NEK10: variants seen among roughly 807,000 people sequenced by gnomAD.
NEK10 encodes the protein NIMA related kinase 10.
A neutral mutation model predicts 159.8 loss-of-function variants in NEK10; 122 were observed. The observed-to-expected ratio is 0.76, with a 90% CI of 0.66 to 0.89. The LOEUF is 0.89. Ranked by LOEUF, NEK10 falls within the 40% of genes least tolerant of loss-of-function variation. The pLI, the probability that NEK10 is intolerant of heterozygous loss-of-function variation, is 0.00. For missense variants in NEK10, 1,342 were observed against 1,323.1 expected (o/e 1.01, Z -0.22); for synonymous variants, 466 against 457.1 (o/e 1.02, Z -0.25).
chr3:27,246,228 A>ATG (rs1353533145), intron 23 of NEK10, among the ~76,000 whole-genome samples: 4 of 152,062 alleles, frequency 2.6e-5, no homozygotes, highest in Admixed American at 2.6e-4. Flanking sequence ...CTTTTTTATT[A>ATG]TGACTTTTAG....
chr3:27,280,335 A>ATT (rs1413660285), intron 22 of NEK10, among the ~76,000 whole-genome samples: 3 of 152,094 alleles, frequency 2.0e-5, no homozygotes, highest in Non-Finnish European at 4.4e-5. Flanking sequence ...CCAGGGTGCC[A>ATT]TCCAAGGGAG....
At chr3:27,360,905 T>G (rs1340323877) in intron 1 of NEK10, among the ~76,000 whole-genome samples, 3 of 152,228 alleles carry the variant, frequency 2.0e-5, no homozygotes, top group Non-Finnish European at 4.4e-5. Flanking sequence ...GTCAATACTT[T>G]AAGCAATTTT....
intron 1 of NEK10, among the ~76,000 whole-genome samples, chr3:27,355,676 C>G (rs1232621393): frequency 1.3e-5 from 2 of 152,148 alleles, no homozygotes; most frequent in African/African-American, 4.8e-5. Context: ...TGCTTCCACT[C>G]TTGCTCCTCT....
intron 20 of NEK10, among the ~76,000 whole-genome samples, chr3:27,286,319 C>G (rs1168977121): frequency 6.6e-6 from 1 of 151,400 alleles, no homozygotes; most frequent in African/African-American, 2.4e-5. Context: ...ATTTCCTGAC[C>G]TCGTGATCGG....
intron 5 of NEK10, among the ~76,000 whole-genome samples, chr3:27,335,500 C>A (rs941046305): frequency 1.3e-5 from 2 of 152,002 alleles, no homozygotes; most frequent in African/African-American, 4.8e-5. Flanking sequence ...GACATTAGAC[C>A]AAATGAACAT....
At chr3:27,336,481 T>C (rs146447828) in intron 5 of NEK10, among the ~76,000 whole-genome samples, 20 of 152,240 alleles carry the variant, frequency 1.3e-4, no homozygotes, top group African/African-American at 4.6e-4. Context: ...AGGAATTCTC[T>C]CTAACTCATT....
chr3:27,246,686 C>T (rs534726814), intron 23 of NEK10, among the ~76,000 whole-genome samples: 262 of 152,176 alleles, frequency 1.7e-3, no homozygotes, highest in Middle Eastern at 6.8e-3. Context: ...CCCCAATCCC[C>T]CCAACCCCTG....
intron 32 of NEK10, among the ~76,000 whole-genome samples, chr3:27,123,457 A>C (rs1475728485): frequency 1.3e-5 from 2 of 152,318 alleles, no homozygotes; most frequent in African/African-American, 4.8e-5. Context: ...GGGATATGAC[A>C]TGATTCCATG....
chr3:27,355,743 G>A lies in NEK10; in HGVS notation c.-37-2824C>T, dbSNP rs1177163686. ...AATGTAAATCAGATCATACCACTCT[G>A]TGGCTTACAACCTTCCTGTGGCCTT... On this transcript the variant is annotated intron_variant, in intron 1 of 35. Transcript: ENST00000691995. Among the ~76,000 whole-genome samples the A allele has an allele frequency of 3.3e-5, 5 of 152,078 alleles. No homozygotes were observed. In the South Asian group the frequency reaches 6.2e-4, roughly 19 times the overall value.
chr3:27,114,851 A>C (rs530164915), intron 35 of NEK10, among the ~76,000 whole-genome samples: 7 of 152,266 alleles, frequency 4.6e-5, no homozygotes, highest in South Asian at 2.1e-4. Context: ...CTTGCAACCA[A>C]TTTGATGACT....
chr3:27,293,798 C>CA, intron 15 of NEK10, 146 bp from the exon 16 acceptor site: 1 of 549,018 alleles, frequency 1.8e-6, no homozygotes, highest in Non-Finnish European at 3.2e-6. Context: ...TAACTGAAAA[C>CA]AAAAAACACC....
At chr3:27,154,975 G>A (rs1945258786) in intron 30 of NEK10, among the ~76,000 whole-genome samples, 1 of 152,096 alleles carries the variant, frequency 6.6e-6, no homozygotes, top group South Asian at 2.1e-4. Context: ...AGGAAATAAA[G>A]GGCATCCAAA....
intron 30 of NEK10, among the ~76,000 whole-genome samples, chr3:27,157,879 G>A (rs1299800159): frequency 2.0e-5 from 3 of 152,098 alleles, no homozygotes; most frequent in Non-Finnish European, 2.9e-5. Context: ...CTACATGGAG[G>A]CAAGACCCTC....
At chr3:27,328,076 C>A (rs2046138198) in intron 5 of NEK10, among the ~76,000 whole-genome samples, 1 of 152,062 alleles carries the variant, frequency 6.6e-6, no homozygotes, top group South Asian at 2.1e-4. Context: ...GAAATGTACA[C>A]CCAATCAGAA....
chr3:27,268,253 T>C lies in NEK10; in HGVS notation c.2015-11882A>G, dbSNP rs981513618. Among the ~76,000 whole-genome samples the C allele has an allele frequency of 2.0e-5, 3 of 152,204 alleles. No homozygotes were observed. The South Asian group carries it at 6.2e-4, about 31-fold the overall frequency. Reference sequence around the variant, plus strand: ...CTGATATAGAAGCTATGGCAAGTTATCCAGATCTGGCTAAGACAGTTGATG... The same window carrying C: ...CTGATATAGAAGCTATGGCAAGTTACCCAGATCTGGCTAAGACAGTTGATG... On this transcript the variant is annotated intron_variant, in intron 22 of 35. Transcript: ENST00000691995.
intron 22 of NEK10, among the ~76,000 whole-genome samples, chr3:27,273,473 T>C (rs2041532008): frequency 6.6e-6 from 1 of 152,218 alleles, no homozygotes. Flanking sequence ...TAAACCTTTT[T>C]CACTATCTTT....
intron 5 of NEK10, among the ~76,000 whole-genome samples, chr3:27,326,062 C>G (rs1230686674): frequency 6.6e-6 from 1 of 152,202 alleles, no homozygotes; most frequent in Non-Finnish European, 1.5e-5. Flanking sequence ...TGGGTTCATC[C>G]TGACTTCAGA....
At chr3:27,203,840 T>C (rs1950253870) in intron 23 of NEK10, among the ~76,000 whole-genome samples, 1 of 152,196 alleles carries the variant, frequency 6.6e-6, no homozygotes, top group Non-Finnish European at 1.5e-5. Flanking sequence ...CAAAGAAAAG[T>C]ATGATTTCTA....
chr3:27,200,749 G>T (rs724245), intron 25 of NEK10, among the ~76,000 whole-genome samples: 35,690 of 152,048 alleles, frequency 0.23, 4,537 homozygotes, highest in Middle Eastern at 0.37. Flanking sequence ...GTACTGTGAG[G>T]TAGTGGGGCC....
Sources: allele counts gnomAD v4.1 joint callset (sites outside exome capture counted in the v4.1 genomes callset), GRCh38; gene constraint gnomAD v4.1.1; transcripts MANE v1.5; gene names NCBI Gene and HGNC (gene_info 2026-07-23, HGNC 2026-07-21).